Variants in RAB38 observed in about 807,000 individuals in gnomAD.
RAB38 encodes RAB38, member RAS oncogene family, also known as ras-related protein Rab-38.
RAB38 carries 15 observed loss-of-function variants against 18.4 expected under a neutral mutation model. That is an observed-to-expected ratio of 0.82 (90% CI 0.55 to 1.26). The LOEUF (loss-of-function observed/expected upper bound fraction) is 1.26, where lower values mean the gene tolerates loss of function less well. Among genes scored for constraint, RAB38 ranks in the 50% most tolerant of loss-of-function variants. RAB38 has a pLI of 0.00. For synonymous variants in RAB38, 101 were observed against 104.4 expected, an observed-to-expected ratio of 0.97 and a Z score of 0.20; for missense variants, 294 against 267.4, an observed-to-expected ratio of 1.10 and a Z score of -0.69.
rs1318397492 is a variant in RAB38, at chr11:88,164,256, C to CGGCGGGGGGGGGGGGGGGGG, written c.202+10926_202+10927insCCCCCCCCCCCCCCCCCGCC. On this transcript the variant is annotated intron_variant, in intron 1 of 2. Coordinates refer to ENST00000243662, the MANE Select transcript of RAB38 (RefSeq NM_022337.3). ...CCCAAAATATATGCCAAGGTGCTCT[C>CGGCGGGGGGGGGGGGGGGGG]GGTGGGGGGGGGTGCCATGGTGAAC... is the stretch of plus-strand genomic sequence containing the variant. 4.6e-5 allele frequency among the ~76,000 whole-genome samples: 5 copies of CGGCGGGGGGGGGGGGGGGGG among 109,130 alleles called. 1 individual carries two copies. The highest frequency in any genetic ancestry group is 1.8e-4 in the Admixed American group (2 of 10,888). 71.6% of individuals were successfully genotyped at this position (109,130 alleles called of 152,430 possible).
intron 2 of RAB38, among the ~76,000 whole-genome samples, chr11:88,121,120 G>A (rs1942622661): frequency 6.6e-6 from 1 of 152,144 alleles, no homozygotes; most frequent in African/African-American, 2.4e-5. Flanking sequence ...CCTTCTCTTA[G>A]CACCATGAAA....
chr11:87,893,376 A>AGATATATATATG, the RAB38 span, among the ~76,000 whole-genome samples: 1 of 31,096 alleles, frequency 3.2e-5, no homozygotes, highest in Non-Finnish European at 1.2e-4. Flanking sequence ...TTTTACATAT[A>AGATATATATATG]TATATATATA....
chr11:88,169,682 T>G (rs1943285573), intron 1 of RAB38, among the ~76,000 whole-genome samples: 1 of 152,232 alleles, frequency 6.6e-6, no homozygotes, highest in African/African-American at 2.4e-5. Context: ...AGGGAATGAC[T>G]GGTGCTAGGT....
chr11:87,976,678 T>TAAATATATA, the RAB38 span, among the ~76,000 whole-genome samples: 1,878 of 112,566 alleles, frequency 0.017, 69 homozygotes, highest in African/African-American at 0.06. Context: ...ATATGATATA[T>TAAATATATA]ATTTATATAT....
chr11:88,108,208 T>C, the RAB38 span, among the ~76,000 whole-genome samples: 1 of 152,036 alleles, frequency 6.6e-6, no homozygotes, highest in South Asian at 2.1e-4. Flanking sequence ...CTGTCTAATA[T>C]TGATAGTGGG....
the RAB38 span, among the ~76,000 whole-genome samples, chr11:87,838,353 A>T: frequency 1.3e-5 from 2 of 152,158 alleles, no homozygotes; most frequent in Non-Finnish European, 2.9e-5. Flanking sequence ...TGACCTCATG[A>T]TCCGCCCACC....
At chr11:87,864,884 C>T in the RAB38 span, among the ~76,000 whole-genome samples, 1 of 151,820 alleles carries the variant, frequency 6.6e-6, no homozygotes, top group Non-Finnish European at 1.5e-5. Context: ...ATCACCTAAA[C>T]AAACTTCCAG....
chr11:88,149,332 C>T (rs896986331), intron 2 of RAB38, among the ~76,000 whole-genome samples: 2 of 152,128 alleles, frequency 1.3e-5, no homozygotes, highest in Non-Finnish European at 2.9e-5. Flanking sequence ...ACTATAAAAC[C>T]ATACTCACCT....
the RAB38 span, among the ~76,000 whole-genome samples, chr11:88,025,196 ATATAT>A: frequency 3.2e-3 from 484 of 150,682 alleles, no homozygotes; most frequent in Non-Finnish European, 4.9e-3. Context: ...CATATGAGAT[ATATAT>A]TATAATTATA....
At chr11:87,956,759 G>C in the RAB38 span, among the ~76,000 whole-genome samples, 1,207 of 152,118 alleles carry the variant, frequency 7.9e-3, 19 homozygotes, top group African/African-American at 0.027. Flanking sequence ...TTAACTGAAA[G>C]TAAGTCATAA....
At chr11:87,823,989 G>C in the RAB38 span, among the ~76,000 whole-genome samples, 14 of 152,064 alleles carry the variant, frequency 9.2e-5, no homozygotes, top group African/African-American at 2.4e-4. Flanking sequence ...GAAATTAAAG[G>C]CTTTAGTTTT....
chr11:87,971,611 C>G, the RAB38 span, among the ~76,000 whole-genome samples: 1 of 152,062 alleles, frequency 6.6e-6, no homozygotes, highest in Admixed American at 6.6e-5. Context: ...CCATTGGACG[C>G]TAACAGCTTA....
the RAB38 span, among the ~76,000 whole-genome samples, chr11:87,832,973 A>T: frequency 3.3e-5 from 5 of 152,226 alleles, no homozygotes; most frequent in East Asian, 7.7e-4. Flanking sequence ...AGTTCTCTTT[A>T]TTTCCACAGC....
Position 88,165,085 on chromosome 11 carries a change from C to CAA in RAB38, c.202+10096_202+10097dup, listed in dbSNP as rs199758141. Among the ~76,000 whole-genome samples, 347 of 152,034 alleles carry CAA rather than the reference C, an allele frequency of 2.3e-3. 6 individuals are homozygous for CAA. In the East Asian group the frequency reaches 0.052, roughly 23 times the overall value. On this transcript the variant is annotated intron_variant, in intron 1 of 2. Coordinates refer to ENST00000243662, the MANE Select transcript of RAB38 (RefSeq NM_022337.3). ...AACTCATTCAATAATTAGGTCTATC[C>CAA]AAAAGTATACAGGTTAAAAATTAAT...
the RAB38 span, among the ~76,000 whole-genome samples, chr11:87,866,894 G>A: frequency 6.6e-6 from 1 of 151,766 alleles, no homozygotes; most frequent in African/African-American, 2.4e-5. Context: ...ACTTGGTCAA[G>A]TTGGAGGCTA....
the RAB38 span, among the ~76,000 whole-genome samples, chr11:87,977,876 T>G: frequency 9.9e-6 from 1 of 100,780 alleles, no homozygotes; most frequent in East Asian, 2.9e-4. Context: ...CAAATATATA[T>G]AAAGATGTAG....
At chr11:88,047,282 T>G in the RAB38 span, among the ~76,000 whole-genome samples, 1 of 152,154 alleles carries the variant, frequency 6.6e-6, no homozygotes, top group Admixed American at 6.5e-5. Flanking sequence ...CACACCTGAC[T>G]CCCATGACTG....
At chr11:88,058,114 A>T in the RAB38 span, among the ~76,000 whole-genome samples, 2 of 152,354 alleles carry the variant, frequency 1.3e-5, no homozygotes, top group Non-Finnish European at 2.9e-5. Flanking sequence ...TTAGGGAAGC[A>T]TAATTATCTT....
the RAB38 span, among the ~76,000 whole-genome samples, chr11:87,929,274 T>G: frequency 6.6e-6 from 1 of 152,038 alleles, no homozygotes; most frequent in Non-Finnish European, 1.5e-5. Context: ...AAAAACAGAG[T>G]GCTATACTTA....
Sources: gnomAD v4.1 joint callset for allele counts (sites outside exome capture counted in the v4.1 genomes callset) on GRCh38, gnomAD v4.1.1 for gene constraint, MANE v1.5 for transcripts, NCBI Gene and HGNC (gene_info 2026-07-23, HGNC 2026-07-21) for gene names.